The following EIF2B5 variants were observed in gnomAD, a reference collection of about 807,000 sequenced individuals.
The protein encoded by EIF2B5 is eukaryotic translation initiation factor 2B subunit epsilon.
A neutral mutation model predicts 87.3 loss-of-function variants in EIF2B5; 38 were observed. The ratio of observed to expected loss-of-function variants is 0.44; its 90% CI spans 0.34 to 0.57. The LOEUF is 0.57. Ranked by LOEUF, EIF2B5 falls within the 20% of genes least tolerant of loss-of-function variation. The pLI, the probability that EIF2B5 is intolerant of heterozygous loss-of-function variation, is 0.02. For synonymous variants in EIF2B5, 313 were observed against 339.6 expected, an observed-to-expected ratio of 0.92 and a Z score of 0.86; for missense variants, 784 against 909.5, an observed-to-expected ratio of 0.86 and a Z score of 1.78.
Position 184,144,094 on chromosome 3 carries a change from C to T in EIF2B5, c.1870-5C>T. 1 of 1,614,212 alleles carries T rather than the reference C, an allele frequency of 6.2e-7. No individual in the cohort carries two copies. The highest frequency in any genetic ancestry group is 8.5e-7 in the Non-Finnish European group (1 of 1,180,042). On this transcript the variant is annotated splice_region_variant and splice_polypyrimidine_tract_variant and intron_variant, in intron 13 of 15. Coordinates refer to ENST00000648915, the MANE Select transcript of EIF2B5 (RefSeq NM_003907.3). ...TATACTGCAGCTCCCTTCTTTCTTC[C>T]ATAGCTGCTAAAGGCCTGGAGCCCT...
chr3:184,141,452 T>C (rs1238082019), intron 7 of EIF2B5, among the ~76,000 whole-genome samples: 1 of 152,036 alleles, frequency 6.6e-6, no homozygotes, highest in East Asian at 1.9e-4. Flanking sequence ...GCCTGTAATC[T>C]CAGCTATTCG....
rs940398606 is a variant in EIF2B5, at chr3:184,143,295, C to T, written c.1746-147C>T. 38 of 1,487,016 alleles carry T rather than the reference C, an allele frequency of 2.6e-5. 1 individual carries two copies. The highest frequency in any genetic ancestry group is 3.3e-5 in the Non-Finnish European group (36 of 1,078,354). The allele number at this position is 1,487,016 out of a possible 1,614,324, so 92.1% of individuals were successfully genotyped here. A position where few individuals can be genotyped will look rare whatever the true frequency, so the allele number is the denominator to read the frequency against. ...GGAGCAAGGAGAGCATTATTAAGTT[C>T]TAGCCTCAGCATAGACTTTCTCCTT... is the stretch of plus-strand genomic sequence containing the variant. On this transcript the variant is annotated intron_variant, in intron 12 of 15. Transcript: ENST00000648915.
chr3:184,137,516 C>T (rs1314168584), intron 2 of EIF2B5, 104 bp from the exon 3 acceptor site: 3 of 1,174,454 alleles, frequency 2.6e-6, no homozygotes, highest in African/African-American at 1.5e-5. Flanking sequence ...CCCAAAAAAG[C>T]CATCGAGAAG....
rs377674601 is a variant in EIF2B5 at position 184,138,046 on chromosome 3, C to G, written c.655C>G (p.Gln219Glu). 14 of 1,614,060 alleles carry G rather than the reference C, an allele frequency of 8.7e-6. No homozygotes were observed. The South Asian group carries it at 1.4e-4, about 16-fold the overall frequency. ...TNRVLHFQKT[Q>E]GLRRFAFPLS... Reference sequence around the variant, plus strand: ...CAGGGTTCTCCATTTTCAGAAGACCCAGGGTCTCCGGCGTTTTGCATTTCC... The same window carrying G: ...CAGGGTTCTCCATTTTCAGAAGACCGAGGGTCTCCGGCGTTTTGCATTTCC... Residue 219 changes from glutamine to glutamate, a missense_variant, in exon 4 of 16, where the codon CAG becomes GAG. Physicochemically the swap from Gln to Glu is conservative, Grantham distance 29. Transcript: ENST00000648915.
chr3:184,141,794 G>C (rs1259339212), intron 7 of EIF2B5, 131 bp from the exon 8 acceptor site: 1 of 1,185,874 alleles, frequency 8.4e-7, no homozygotes, highest in East Asian at 2.5e-5. Flanking sequence ...GGTGTTTCTG[G>C]TGACTTGCGG....
At position 184,136,530 on chromosome 3, in the gene EIF2B5, G is replaced by T. The variant is rs111248061; in HGVS notation, c.196-82G>T. The T allele has an allele frequency of 0.027, 41,836 of 1,548,866 alleles. 675 individuals carry two copies. Among genetic ancestry groups the T allele is most frequent in the African/African-American group, 0.057 (4,191 of 73,770 alleles). Reference sequence around the variant, plus strand: ...GCAAAATTACACTGTTTGGAAATACGAATAGAGGAGTGAAAATTGTTGCAG... The same window carrying T: ...GCAAAATTACACTGTTTGGAAATACTAATAGAGGAGTGAAAATTGTTGCAG... On this transcript the variant is annotated intron_variant, in intron 1 of 15. Transcript: ENST00000648915.
At chr3:184,140,252 A>G (rs1259191497) in intron 6 of EIF2B5, 95 bp downstream of exon 6, 1 of 1,441,894 alleles carries the variant, frequency 6.9e-7, no homozygotes, top group Admixed American at 1.8e-5. Flanking sequence ...TATTTTATTG[A>G]GGCTTAGGAG....
At chr3:184,136,978 A>G (rs1713390975) in intron 2 of EIF2B5, 1 of 535,938 alleles carries the variant, frequency 1.9e-6, no homozygotes, top group Middle Eastern at 5.3e-4. Flanking sequence ...ATCTCATTAT[A>G]AAGTTTGGTG....
chr3:184,143,425 C>G lies in EIF2B5; in HGVS notation c.1746-17C>G. 6.2e-7 allele frequency: 1 copy of G among 1,614,140 alleles called. No homozygotes were observed. Among genetic ancestry groups the G allele is most frequent in the Non-Finnish European group, 8.5e-7 (1 of 1,180,000 alleles). On this transcript the variant is annotated splice_polypyrimidine_tract_variant and intron_variant, in intron 12 of 15. Coordinates refer to ENST00000648915, the MANE Select transcript of EIF2B5 (RefSeq NM_003907.3). ...AAGGCCAGTGAAGGCCCTGGTGTCA[C>G]CCCAGTCTCCCCACAGGTATGCCTA...
intron 5 of EIF2B5, among the ~76,000 whole-genome samples, chr3:184,139,120 C>T (rs1713498752): frequency 6.6e-6 from 1 of 152,066 alleles, no homozygotes; most frequent in Non-Finnish European, 1.5e-5. Context: ...CAGGTACGCA[C>T]CACCACATCC....
chr3:184,138,574 C>T (rs1190197886), intron 5 of EIF2B5, among the ~76,000 whole-genome samples: 2 of 152,048 alleles, frequency 1.3e-5, no homozygotes, highest in South Asian at 4.1e-4. Flanking sequence ...AGGCTGGTCT[C>T]GAACTCCTGG....
At chr3:184,138,444 C>A (rs1713463975) in intron 5 of EIF2B5, among the ~76,000 whole-genome samples, 198 bp downstream of exon 5, 2 of 152,056 alleles carry the variant, frequency 1.3e-5, no homozygotes, top group South Asian at 4.2e-4. Context: ...GCAGACTCTG[C>A]CTCCTAGGTT....
At chr3:184,143,682 G>T in intron 13 of EIF2B5, 117 bp downstream of exon 13, 1 of 1,508,602 alleles carries the variant, frequency 6.6e-7, no homozygotes, top group Non-Finnish European at 9.0e-7. Context: ...CTTGCCTCTG[G>T]AAGCTGGTTG....
At chr3:184,139,280 T>TTC (rs1187513714) in intron 5 of EIF2B5, among the ~76,000 whole-genome samples, 13 of 133,080 alleles carry the variant, frequency 9.8e-5, no homozygotes, top group Non-Finnish European at 1.8e-4. Flanking sequence ...ATTTTTTTTT[T>TTC]TTTTTTTTTT....
Position 184,141,926 on chromosome 3 carries a change from T to TA in EIF2B5, c.1158_1159insA (p.Asp387ArgfsTer2). On this transcript the variant is annotated frameshift_variant and splice_region_variant, in exon 8 of 16. Transcript: ENST00000648915. LOFTEE classifies it high-confidence loss of function. ...AGAGGTCTTCCCATCCTGAGCCAGG[T>TA]GATAACGTGGTGCTGGACCAGACCT... 1 of 1,614,014 alleles carries TA rather than the reference T, an allele frequency of 6.2e-7. No homozygotes were observed.
At chr3:184,141,584 T>C (rs1015677840) in intron 7 of EIF2B5, among the ~76,000 whole-genome samples, 1 of 151,970 alleles carries the variant, frequency 6.6e-6, no homozygotes, top group South Asian at 2.1e-4. Flanking sequence ...AAAAAAAGAC[T>C]TGGTTTCTAA....
In EIF2B5 at chr3:184,142,217, T is replaced by C. The variant is rs2109010378; in HGVS notation, c.1303-20T>C. ...CTTTTCCTCCACACCCTAATGGTTCTGTGTTTTTTTTCCCCTTAGGTGGTC... is the reference window on the plus strand; with the variant it reads ...CTTTTCCTCCACACCCTAATGGTTCCGTGTTTTTTTTCCCCTTAGGTGGTC... On this transcript the variant is annotated intron_variant, in intron 8 of 15. Transcript: ENST00000648915. The surrounding 1 kb of genome is among the most constrained non-coding windows in gnomAD (Gnocchi z 5.0). 2 of 1,614,128 alleles carry C rather than the reference T, an allele frequency of 1.2e-6. No homozygotes were observed. The highest frequency in any genetic ancestry group is 1.7e-6 in the Non-Finnish European group (2 of 1,179,988).
chr3:184,139,793 G>A (rs1577031760), intron 5 of EIF2B5, among the ~76,000 whole-genome samples: 4 of 151,384 alleles, frequency 2.6e-5, no homozygotes, highest in Admixed American at 2.6e-4. Context: ...CGAGGTGAGT[G>A]GATCATGAGG....
chr3:184,138,266 G>A lies in EIF2B5; in HGVS notation c.765+20G>A. The A allele has an allele frequency of 3.1e-6, 5 of 1,609,636 alleles. No individual in the cohort carries two copies. The highest frequency in any genetic ancestry group is 4.2e-6 in the Non-Finnish European group (5 of 1,176,928). On this transcript the variant is annotated intron_variant, in intron 5 of 15. Transcript: ENST00000648915. ...CCTCAGGTGAGCTCTTTAGGGCTGG[G>A]GCTGCACACCCAAAGAGTAGAACTC...
Sources: gnomAD v4.1 joint callset for allele counts (sites outside exome capture counted in the v4.1 genomes callset) on GRCh38, gnomAD v4.1.1 for gene constraint, Gnocchi (gnomAD v3.1) non-coding constraint, MANE v1.5 for transcripts, NCBI Gene and HGNC (gene_info 2026-07-23, HGNC 2026-07-21) for gene names.